Variants in IQCH observed in about 807,000 individuals in gnomAD.
IQCH encodes the protein IQ domain-containing protein H.
IQCH carries 98 observed loss-of-function variants against 117.0 expected under a neutral mutation model. The ratio of observed to expected loss-of-function variants is 0.84; its 90% confidence interval spans 0.71 to 0.99. IQCH has a LOEUF of 0.99. IQCH is among the 50% of genes least tolerant of loss of function. The probability of loss-of-function intolerance (pLI) is 0.00; values close to 1 mark genes in which losing one functional copy is unlikely to be tolerated. For synonymous variants in IQCH, 412 were observed against 448.2 expected (o/e 0.92, Z 1.02); for missense variants, 1,102 against 1,243.8 (o/e 0.89, Z 1.72).
intron 13 of IQCH, among the ~76,000 whole-genome samples, chr15:67,397,309 T>G (rs1317334388): frequency 6.6e-6 from 1 of 152,194 alleles, no homozygotes; most frequent in Non-Finnish European, 1.5e-5. Context: ...GCAGGCACAT[T>G]TAATGCAGTA....
At position 67,463,090 on chromosome 15, in the gene IQCH, A is replaced by G. The variant is rs138771128; in HGVS notation, c.2506-2037A>G. On this transcript the variant is annotated intron_variant, in intron 16 of 20. Coordinates refer to ENST00000335894, the MANE Select transcript of IQCH (RefSeq NM_001031715.3). This position sits in a 1 kb window ranked among gnomAD's most constrained non-coding sequence, Gnocchi z 4.0. Reference sequence around the variant, plus strand: ...CTTATAATGACGCCATTTACATTCAATGCTTACTCAAGTCACTCACTGCTA... The same window carrying G: ...CTTATAATGACGCCATTTACATTCAGTGCTTACTCAAGTCACTCACTGCTA... Among the ~76,000 whole-genome samples, 82 of 152,302 alleles carry G rather than the reference A, an allele frequency of 5.4e-4. 1 individual carries two copies. The East Asian group carries it at 0.012, about 22-fold the overall frequency.
intron 18 of IQCH, among the ~76,000 whole-genome samples, chr15:67,488,748 A>G (rs1026874220): frequency 1.3e-5 from 2 of 152,118 alleles, no homozygotes; most frequent in Non-Finnish European, 2.9e-5. Context: ...GGAGCATGCA[A>G]CCTAGATCCC....
At chr15:67,314,551 C>A (rs1455385708) in intron 4 of IQCH, among the ~76,000 whole-genome samples, 1 of 136,118 alleles carries the variant, frequency 7.3e-6, no homozygotes, top group African/African-American at 2.8e-5. Flanking sequence ...ACATTTTTTT[C>A]TTTTATATAA....
intron 8 of IQCH, among the ~76,000 whole-genome samples, chr15:67,368,878 TTTTA>T (rs773466846): frequency 6.6e-5 from 10 of 152,030 alleles, no homozygotes; most frequent in East Asian, 1.9e-4. Flanking sequence ...TATTTCTAAA[TTTTA>T]TTTATTTATT....
chr15:67,273,071 T>A (rs1965971094), intron 3 of IQCH, among the ~76,000 whole-genome samples: 1 of 152,092 alleles, frequency 6.6e-6, no homozygotes, highest in Non-Finnish European at 1.5e-5. Context: ...TATTTTTAAT[T>A]AATTAATTTA....
intron 3 of IQCH, among the ~76,000 whole-genome samples, chr15:67,272,031 A>G (rs974908046): frequency 1.3e-5 from 2 of 151,796 alleles, no homozygotes; most frequent in East Asian, 3.8e-4. Flanking sequence ...AAGTTTTTAT[A>G]CTTTTTGATA....
Position 67,387,715 on chromosome 15 carries a change from A to G in IQCH, c.1457-1116A>G, listed in dbSNP as rs1362360822. Among the ~76,000 whole-genome samples the G allele has an allele frequency of 1.3e-5, 2 of 152,186 alleles. No individual in the cohort carries two copies. Among genetic ancestry groups the G allele is most frequent in the African/African-American group, 2.4e-5 (1 of 41,450 alleles). ...AGATGCTGCACCAGATACTTTCTAT[A>G]TCTTCACTCATTTAATAGTGTCTAA... On this transcript the variant is annotated intron_variant, in intron 11 of 20. Coordinates refer to ENST00000335894, the MANE Select transcript of IQCH (RefSeq NM_001031715.3). This position sits in a 1 kb window ranked among gnomAD's most constrained non-coding sequence, Gnocchi z 4.8.
At chr15:67,288,114 G>A (rs1020779684) in intron 4 of IQCH, among the ~76,000 whole-genome samples, 2 of 152,090 alleles carry the variant, frequency 1.3e-5, no homozygotes, top group African/African-American at 4.8e-5. Context: ...AAAGCTTGAT[G>A]TTATTTCAAT....
intron 2 of IQCH, among the ~76,000 whole-genome samples, chr15:67,262,541 C>T: frequency 6.6e-6 from 1 of 152,082 alleles, no homozygotes; most frequent in Admixed American, 6.5e-5. Flanking sequence ...ATAATGTTTC[C>T]TAAAGACCAA....
intron 12 of IQCH, among the ~76,000 whole-genome samples, chr15:67,394,401 T>C (rs1033352644): frequency 6.6e-6 from 1 of 152,170 alleles, no homozygotes; most frequent in Non-Finnish European, 1.5e-5. Context: ...ACAAGGAGAA[T>C]GTGTATTTGC....
intron 8 of IQCH, among the ~76,000 whole-genome samples, chr15:67,362,653 G>A (rs1970185747): frequency 6.6e-6 from 1 of 152,010 alleles, no homozygotes; most frequent in Non-Finnish European, 1.5e-5. Flanking sequence ...TGTTTTTAAG[G>A]GGCTTCCATA....
intron 13 of IQCH, among the ~76,000 whole-genome samples, chr15:67,398,838 C>T (rs574708726): frequency 6.6e-6 from 1 of 152,046 alleles, no homozygotes; most frequent in Non-Finnish European, 1.5e-5. Context: ...TGGGAAGGCT[C>T]TGGAGACAAA....
rs2083174281 is a variant in IQCH at position 67,475,247 on chromosome 15, C to T, written c.2677-449C>T. Among the ~76,000 whole-genome samples the T allele has an allele frequency of 6.6e-6, 1 of 152,166 alleles. No homozygotes were observed. The highest frequency in any genetic ancestry group is 2.1e-4 in the South Asian group (1 of 4,826). ...ATTCCAGCATTTTGGGAGGCCGAGG[C>T]TGGCAGATCGCTTGAGCTAGGAGTT... is the stretch of plus-strand genomic sequence containing the variant. On this transcript the variant is annotated intron_variant, in intron 17 of 20. Coordinates refer to ENST00000335894, the MANE Select transcript of IQCH (RefSeq NM_001031715.3). The surrounding 1 kb of genome is among the most constrained non-coding windows in gnomAD (Gnocchi z 5.7).
intron 4 of IQCH, among the ~76,000 whole-genome samples, chr15:67,314,674 G>T (rs1967763677): frequency 6.6e-6 from 1 of 152,146 alleles, no homozygotes; most frequent in Non-Finnish European, 1.5e-5. Context: ...GAGTGTAAAG[G>T]CTAGGTCCAC....
At position 67,463,505 on chromosome 15, in the gene IQCH, T is replaced by C. The variant is rs1401478871; in HGVS notation, c.2506-1622T>C. Among the ~76,000 whole-genome samples the C allele has an allele frequency of 6.6e-6, 1 of 152,196 alleles. No homozygotes were observed. Among genetic ancestry groups the C allele is most frequent in the East Asian group, 1.9e-4 (1 of 5,202 alleles). ...TGGATTCAGATCCCAACACCACCAC[T>C]TCCTAACTCAGTGGATTTGGGTACC... On this transcript the variant is annotated intron_variant, in intron 16 of 20. Coordinates refer to ENST00000335894, the MANE Select transcript of IQCH (RefSeq NM_001031715.3). The surrounding 1 kb of genome is among the most constrained non-coding windows in gnomAD (Gnocchi z 4.0).
intron 4 of IQCH, among the ~76,000 whole-genome samples, chr15:67,323,084 T>C (rs1038754170): frequency 1.2e-4 from 18 of 152,098 alleles, no homozygotes; most frequent in African/African-American, 3.9e-4. Context: ...GGCTTTAAAT[T>C]GTCTCAGCCT....
At position 67,261,320 on chromosome 15, in the gene IQCH, C is replaced by T. The variant is rs1221756644; in HGVS notation, c.100C>T (p.Pro34Ser). Residue 34 changes from proline to serine, a missense_variant, in exon 2 of 21, where the codon CCT (proline) becomes TCT (serine). By Grantham distance (74) the Pro-to-Ser change is moderately conservative. Transcript: ENST00000335894. The stretch of plus-strand genomic sequence containing the variant: ...AAAGGAGAAATTAACAAAATTCTCA[C>T]CTGAGGAAAAAGGAGAGACTCTAGA... Reference protein sequence around the residue: ...QLKEKLTKFSPEEKGETLDIQ... With the variant: ...QLKEKLTKFSSEEKGETLDIQ... The T allele has an allele frequency of 6.3e-7, 1 of 1,582,406 alleles. No individual in the cohort carries two copies. The highest frequency in any genetic ancestry group is 1.9e-5 in the Admixed American group (1 of 52,014).
At position 67,384,828 on chromosome 15, in the gene IQCH, G is replaced by A. The variant is rs1286108647; in HGVS notation, c.1373-108G>A. Reference sequence around the variant, plus strand: ...GGTTGTTTCTGTAAGATGCTTCAGAGAAAATTTTTTCCTGGAAATATGGAC... The same window carrying A: ...GGTTGTTTCTGTAAGATGCTTCAGAAAAAATTTTTTCCTGGAAATATGGAC... On this transcript the variant is annotated intron_variant, in intron 10 of 20. Transcript: ENST00000335894. The surrounding 1 kb of genome is among the most constrained non-coding windows in gnomAD (Gnocchi z 4.3). 2 of 724,628 alleles carry A rather than the reference G, an allele frequency of 2.8e-6. No homozygotes were observed. Among genetic ancestry groups the A allele is most frequent in the Non-Finnish European group, 4.9e-6 (2 of 404,560 alleles). 44.9% of individuals were successfully genotyped at this position (724,628 alleles called of 1,614,324 possible). A position where few individuals can be genotyped will look rare whatever the true frequency, so the allele number is the denominator to read the frequency against.
At chr15:67,414,419 G>A (rs1371495263) in intron 14 of IQCH, among the ~76,000 whole-genome samples, 1 of 152,086 alleles carries the variant, frequency 6.6e-6, no homozygotes, top group Non-Finnish European at 1.5e-5. Flanking sequence ...CAGGAAGGAT[G>A]AGGAGGAGTC....
Sources: gnomAD v4.1 joint callset for allele counts (sites outside exome capture counted in the v4.1 genomes callset) on GRCh38, gnomAD v4.1.1 for gene constraint, Gnocchi (gnomAD v3.1) non-coding constraint, MANE v1.5 for transcripts, NCBI Gene and HGNC (gene_info 2026-07-23, HGNC 2026-07-21) for gene names.